The following COL23A1 variants were observed in gnomAD, a reference collection of about 807,000 sequenced individuals.
The protein encoded by COL23A1 is collagen type XXIII alpha 1 chain.
Under a neutral mutation model 99.3 loss-of-function variants are expected in COL23A1, and 97 were observed. The ratio of observed to expected loss-of-function variants is 0.98; its 90% CI spans 0.83 to 1.16. The LOEUF is 1.16. Among genes scored for constraint, COL23A1 ranks in the 50% most tolerant of loss-of-function variants. The pLI is 0.00. For synonymous variants in COL23A1, 320 were observed against 308.2 expected (o/e 1.04, Z -0.40); for missense variants, 762 against 757.4 (o/e 1.01, Z -0.07).
intron 2 of COL23A1, among the ~76,000 whole-genome samples, chr5:178,407,476 T>C (rs867964875): frequency 1.7e-4 from 26 of 152,188 alleles, no homozygotes; most frequent in Middle Eastern, 3.4e-3. Context: ...TCAACTCCAA[T>C]GGGAAAAGAC....
intron 2 of COL23A1, among the ~76,000 whole-genome samples, chr5:178,492,197 ATAAC>A (rs1393506929): frequency 6.6e-6 from 1 of 152,236 alleles, no homozygotes; most frequent in Non-Finnish European, 1.5e-5. Context: ...ATCAGTAAAA[ATAAC>A]TATTATTTGG....
At chr5:178,583,391 C>G (rs1385274815) in intron 1 of COL23A1, among the ~76,000 whole-genome samples, 1 of 152,218 alleles carries the variant, frequency 6.6e-6, no homozygotes, top group African/African-American at 2.4e-5. Flanking sequence ...CATGTCCTCT[C>G]CCTTTTCTTC....
At chr5:178,530,846 A>G (rs1220474949) in intron 2 of COL23A1, among the ~76,000 whole-genome samples, 1 of 152,144 alleles carries the variant, frequency 6.6e-6, no homozygotes, top group African/African-American at 2.4e-5. Context: ...GCCCTAATGA[A>G]ATAGAAGATT....
chr5:178,297,369 T>C (rs1207469612), intron 3 of COL23A1, among the ~76,000 whole-genome samples: 1 of 152,100 alleles, frequency 6.6e-6, no homozygotes, highest in African/African-American at 2.4e-5. Context: ...AAAACAATTA[T>C]TAGCTGGGTG....
rs1280831079 is a variant in COL23A1, at chr5:178,280,947, A to G, written c.441+7377T>C. The stretch of plus-strand genomic sequence containing the variant: ...GCCTCCTGTGAATGGGCTGCCCCAC[A>G]TGGGACACTCACGGGGACACTGGGG... On this transcript the variant is annotated intron_variant, in intron 5 of 28. Transcript: ENST00000390654. The surrounding 1 kb of genome is among the most constrained non-coding windows in gnomAD (Gnocchi z 4.9). Among the ~76,000 whole-genome samples, 1 of 152,128 alleles carries G rather than the reference A, an allele frequency of 6.6e-6. No individual in the cohort carries two copies.
Position 178,544,441 on chromosome 5 carries a change from C to T in COL23A1, c.361+16241G>A, listed in dbSNP as rs1196306734. Among the ~76,000 whole-genome samples, 1 of 152,222 alleles carries T rather than the reference C, an allele frequency of 6.6e-6. No homozygotes were observed. Among genetic ancestry groups the T allele is most frequent in the Non-Finnish European group, 1.5e-5 (1 of 68,050 alleles). ...CCTGAAAATTAAGCCCAAGACCTGC[C>T]ATGGCGGTGGGGAGCAGTCTCCCTC... On this transcript the variant is annotated intron_variant, in intron 2 of 28. Transcript: ENST00000390654. This position sits in a 1 kb window ranked among gnomAD's most constrained non-coding sequence, Gnocchi z 4.4.
intron 2 of COL23A1, among the ~76,000 whole-genome samples, chr5:178,323,706 C>T (rs1463310135): frequency 2.0e-5 from 3 of 152,138 alleles, no homozygotes; most frequent in Non-Finnish European, 4.4e-5. Flanking sequence ...TCGGAAGACC[C>T]TTCTCCCTGG....
chr5:178,343,628 G>C (rs960818439), intron 2 of COL23A1, among the ~76,000 whole-genome samples: 1 of 150,786 alleles, frequency 6.6e-6, no homozygotes, highest in South Asian at 2.1e-4. Context: ...TGTTCTGCTT[G>C]TGCAAACATC....
intron 1 of COL23A1, among the ~76,000 whole-genome samples, chr5:178,575,861 A>C (rs563392427): frequency 3.9e-5 from 6 of 152,372 alleles, no homozygotes; most frequent in Admixed American, 1.3e-4. Flanking sequence ...TTTGCCAGGC[A>C]TATGTGTCCT....
chr5:178,552,354 C>T (rs933891865), intron 2 of COL23A1, among the ~76,000 whole-genome samples: 1 of 152,116 alleles, frequency 6.6e-6, no homozygotes, highest in African/African-American at 2.4e-5. Context: ...GGAATGGCAA[C>T]CAGCCTCCAG....
chr5:178,265,846 A>T (rs1755861898), intron 8 of COL23A1: 1 of 261,386 alleles, frequency 3.8e-6, no homozygotes, highest in Non-Finnish European at 6.0e-6. Flanking sequence ...CAGTTAGGTG[A>T]TCAGGTGTGC....
chr5:178,499,616 T>C (rs1056170818), intron 2 of COL23A1, among the ~76,000 whole-genome samples: 3 of 152,204 alleles, frequency 2.0e-5, no homozygotes, highest in Non-Finnish European at 4.4e-5. Flanking sequence ...CAGGAAGATA[T>C]GACCACGACT....
chr5:178,475,830 G>A (rs142703630), intron 2 of COL23A1, among the ~76,000 whole-genome samples: 1 of 152,228 alleles, frequency 6.6e-6, no homozygotes, highest in Non-Finnish European at 1.5e-5. Flanking sequence ...CTTGTTGGCT[G>A]GGGGCCACTC....
At chr5:178,461,013 C>T (rs477842) in intron 2 of COL23A1, among the ~76,000 whole-genome samples, 1 of 151,930 alleles carries the variant, frequency 6.6e-6, no homozygotes, top group Non-Finnish European at 1.5e-5. Context: ...GATGGCAGCC[C>T]TTTAAGAGAG....
rs1756895161 is a variant in COL23A1 at position 178,281,474 on chromosome 5, G to C, written c.441+6850C>G. 6.6e-6 allele frequency among the ~76,000 whole-genome samples: 1 copy of C among 152,148 alleles called. No homozygotes were observed. Among genetic ancestry groups the C allele is most frequent in the Non-Finnish European group, 1.5e-5 (1 of 68,032 alleles). On this transcript the variant is annotated intron_variant, in intron 5 of 28. Coordinates refer to ENST00000390654, the MANE Select transcript of COL23A1 (RefSeq NM_173465.4). This position sits in a 1 kb window ranked among gnomAD's most constrained non-coding sequence, Gnocchi z 4.0. ...CGGCTGTCGCTGCTCCCAGGACTGA[G>C]GCCGGAGATGAAGTGCAGTCACCGC...
rs757977812 is a variant in COL23A1, at chr5:178,256,385, G to A, written c.850C>T (p.His284Tyr). The stretch of plus-strand genomic sequence containing the variant: ...CCTGCAGCTCCATCCGTGCCTCGGT[G>A]GCCAGGCTCCCCCTGTGGAGACATG... ...GAPGPKGEPG[H>Y]RGTDGAAGPR... Residue 284 changes from histidine to tyrosine, a missense_variant, in exon 15 of 29, where the codon CAC (histidine) becomes TAC (tyrosine). Coordinates refer to ENST00000390654, the MANE Select transcript of COL23A1 (RefSeq NM_173465.4). 12 of 1,606,890 alleles carry A rather than the reference G, an allele frequency of 7.5e-6. No homozygotes were observed. In the Admixed American group the frequency reaches 2.0e-4, roughly 27 times the overall value.
intron 2 of COL23A1, among the ~76,000 whole-genome samples, chr5:178,392,700 C>T (rs930881521): frequency 6.6e-5 from 10 of 152,164 alleles, no homozygotes; most frequent in Admixed American, 2.6e-4. Context: ...ACCCCATGGC[C>T]GGCTCAGCTT....
chr5:178,351,347 T>C (rs1051715269), intron 2 of COL23A1: 1 of 152,374 alleles, frequency 6.6e-6, no homozygotes, highest in African/African-American at 2.4e-5. Context: ...TTTCTCCCGC[T>C]GTAGAAGCAA....
intron 5 of COL23A1, among the ~76,000 whole-genome samples, chr5:178,271,258 C>G (rs1428546310): frequency 6.6e-6 from 1 of 152,200 alleles, no homozygotes; most frequent in Non-Finnish European, 1.5e-5. Flanking sequence ...TGCCTGGTCT[C>G]TGTCAGCCCC....
Sources: gnomAD v4.1 joint callset for allele counts (sites outside exome capture counted in the v4.1 genomes callset) on GRCh38, gnomAD v4.1.1 for gene constraint, Gnocchi (gnomAD v3.1) non-coding constraint, MANE v1.5 for transcripts, NCBI Gene and HGNC (gene_info 2026-07-23, HGNC 2026-07-21) for gene names.